Variants in GPC5 observed in about 807,000 individuals in gnomAD.
The protein encoded by GPC5 is glypican 5.
Under a neutral mutation model 53.9 loss-of-function variants are expected in GPC5, and 47 were observed. The observed-to-expected ratio is 0.87, with a 90% confidence interval of 0.69 to 1.11. The LOEUF (loss-of-function observed/expected upper bound fraction) is 1.11, where lower values mean the gene tolerates loss of function less well. Among genes scored for constraint, GPC5 ranks in the 50% most tolerant of loss-of-function variants. The pLI, the probability that GPC5 is intolerant of heterozygous loss-of-function variation, is 0.00. For synonymous variants in GPC5, 286 were observed against 263.3 expected (o/e 1.09, Z -0.84); for missense variants, 748 against 713.1 (o/e 1.05, Z -0.56).
chr13:92,855,162 T>C (rs1878955142), intron 7 of GPC5, among the ~76,000 whole-genome samples: 1 of 152,042 alleles, frequency 6.6e-6, no homozygotes, highest in African/African-American at 2.4e-5. Context: ...AAACTGTAGA[T>C]ATGATCACTA....
intron 5 of GPC5, among the ~76,000 whole-genome samples, chr13:91,772,350 C>G (rs912835578): frequency 1.3e-5 from 2 of 152,068 alleles, no homozygotes; most frequent in Admixed American, 6.6e-5. Flanking sequence ...CATACTGAAA[C>G]GGCATGTGAT....
At chr13:92,001,121 A>G (rs1346330496) in intron 6 of GPC5, among the ~76,000 whole-genome samples, 1 of 152,210 alleles carries the variant, frequency 6.6e-6, no homozygotes, top group African/African-American at 2.4e-5. Flanking sequence ...AATAATAGGC[A>G]TAGCATAGTT....
intron 6 of GPC5, among the ~76,000 whole-genome samples, chr13:91,984,173 T>G (rs1183618504): frequency 6.6e-6 from 1 of 152,210 alleles, no homozygotes; most frequent in Non-Finnish European, 1.5e-5. Context: ...CAATTATTAT[T>G]GAGAAGTGAT....
At chr13:91,685,293 A>C (rs531349768) in intron 2 of GPC5, among the ~76,000 whole-genome samples, 37 of 152,330 alleles carry the variant, frequency 2.4e-4, no homozygotes, top group African/African-American at 8.7e-4. Flanking sequence ...TAACAGAGTG[A>C]GACCTTGTCT....
chr13:91,518,457 C>G (rs1428492075), intron 2 of GPC5, among the ~76,000 whole-genome samples: 1 of 152,160 alleles, frequency 6.6e-6, no homozygotes, highest in Non-Finnish European at 1.5e-5. Flanking sequence ...AAGTTTATTT[C>G]TAAATAAAAA....
intron 3 of GPC5, among the ~76,000 whole-genome samples, chr13:91,706,966 A>C (rs2036119079): frequency 6.6e-6 from 1 of 152,172 alleles, no homozygotes; most frequent in Non-Finnish European, 1.5e-5. Context: ...TGAAGATGAA[A>C]CATAATAGAA....
chr13:92,089,904 C>G, intron 6 of GPC5, among the ~76,000 whole-genome samples: 1 of 152,148 alleles, frequency 6.6e-6, no homozygotes, highest in African/African-American at 2.4e-5. Context: ...TTTGTAGACA[C>G]TATATGGTAT....
chr13:92,320,768 G>A (rs771758915), intron 7 of GPC5, among the ~76,000 whole-genome samples: 19 of 151,926 alleles, frequency 1.3e-4, no homozygotes, highest in Admixed American at 8.5e-4. Flanking sequence ...ATTAATTAGG[G>A]CCCCCAAATG....
At chr13:91,833,728 T>C (rs1427885281) in intron 5 of GPC5, among the ~76,000 whole-genome samples, 1 of 152,116 alleles carries the variant, frequency 6.6e-6, no homozygotes, top group African/African-American at 2.4e-5. Flanking sequence ...AAACTAGGTA[T>C]TGATGGAACG....
At chr13:91,974,692 A>G (rs368770322) in intron 6 of GPC5, among the ~76,000 whole-genome samples, 3 of 152,128 alleles carry the variant, frequency 2.0e-5, no homozygotes, top group South Asian at 2.1e-4. Flanking sequence ...TGGCCATACT[A>G]CCCAAGGTAA....
chr13:92,176,557 G>C (rs969819335), intron 7 of GPC5, among the ~76,000 whole-genome samples: 1 of 151,916 alleles, frequency 6.6e-6, no homozygotes, highest in Non-Finnish European at 1.5e-5. Context: ...ATAAATGAAG[G>C]GTTTGACCCA....
chr13:92,786,349 G>A (rs1293963062), intron 7 of GPC5, among the ~76,000 whole-genome samples: 2 of 152,218 alleles, frequency 1.3e-5, no homozygotes, highest in East Asian at 1.9e-4. Context: ...TGATTTTGAC[G>A]AATGGACATG....
At chr13:92,177,041 AC>A in intron 7 of GPC5, among the ~76,000 whole-genome samples, 1 of 152,002 alleles carries the variant, frequency 6.6e-6, no homozygotes, top group East Asian at 1.9e-4. Context: ...GATTTTGGAT[AC>A]CCTTATTTCC....
chr13:92,823,902 C>T (rs1035443772), intron 7 of GPC5, among the ~76,000 whole-genome samples: 4 of 152,036 alleles, frequency 2.6e-5, no homozygotes, highest in African/African-American at 9.7e-5. Flanking sequence ...TCAATACCAA[C>T]TCAATTTCCC....
chr13:92,313,412 A>G (rs184735473), intron 7 of GPC5, among the ~76,000 whole-genome samples: 1 of 152,330 alleles, frequency 6.6e-6, no homozygotes, highest in Admixed American at 6.5e-5. Flanking sequence ...AATTTTACCC[A>G]AGGACAGGGA....
At chr13:91,499,046 C>G (rs978743916) in intron 2 of GPC5, among the ~76,000 whole-genome samples, 1 of 151,658 alleles carries the variant, frequency 6.6e-6, no homozygotes, top group African/African-American at 2.4e-5. Context: ...TCAGGGAGTT[C>G]CAGAGGAATG....
chr13:92,497,946 T>C (rs974904517), intron 7 of GPC5, among the ~76,000 whole-genome samples: 17 of 152,070 alleles, frequency 1.1e-4, no homozygotes, highest in Non-Finnish European at 2.5e-4. Context: ...TGCTTTTGTA[T>C]CCTGAGACTG....
At chr13:92,728,836 T>A (rs1305988749) in intron 7 of GPC5, among the ~76,000 whole-genome samples, 1 of 151,446 alleles carries the variant, frequency 6.6e-6, no homozygotes, top group Non-Finnish European at 1.5e-5. Context: ...TTATCTAGTT[T>A]AATTACTCAA....
chr13:91,897,142 T>A (rs2039450580), intron 5 of GPC5, among the ~76,000 whole-genome samples: 1 of 152,160 alleles, frequency 6.6e-6, no homozygotes, highest in Non-Finnish European at 1.5e-5. Flanking sequence ...GGACAGGACT[T>A]TAAGTTGGAA....
Sources: allele counts gnomAD v4.1 joint callset (sites outside exome capture counted in the v4.1 genomes callset), GRCh38; gene constraint gnomAD v4.1.1; transcripts MANE v1.5; gene names NCBI Gene and HGNC (gene_info 2026-07-23, HGNC 2026-07-21).